Variants in SLC39A12 observed in about 807,000 individuals in gnomAD.
SLC39A12 encodes solute carrier family 39 member 12.
A neutral mutation model predicts 71.1 loss-of-function variants in SLC39A12; 63 were observed. That is an observed-to-expected ratio of 0.89 (90% CI 0.72 to 1.09). The LOEUF (loss-of-function observed/expected upper bound fraction) is 1.09, where lower values mean the gene tolerates loss of function less well. SLC39A12 is among the 50% of genes least tolerant of loss of function. The probability of loss-of-function intolerance (pLI) is 0.00; values close to 1 mark genes in which losing one functional copy is unlikely to be tolerated. For synonymous variants in SLC39A12, 351 were observed against 301.3 expected (o/e 1.16, Z -1.71); for missense variants, 892 against 812.6 (o/e 1.10, Z -1.19).
intron 12 of SLC39A12, among the ~76,000 whole-genome samples, chr10:18,025,144 TC>T (rs1836640506): frequency 6.6e-6 from 1 of 152,206 alleles, no homozygotes; most frequent in African/African-American, 2.4e-5. Context: ...TTACTTTTGT[TC>T]TCTGTTGCTC....
intron 3 of SLC39A12, among the ~76,000 whole-genome samples, chr10:17,964,543 G>C (rs962779649): frequency 2.0e-5 from 3 of 152,188 alleles, no homozygotes; most frequent in African/African-American, 7.2e-5. Context: ...TCAAATGTCT[G>C]AATGGGAATA....
Position 17,953,538 on chromosome 10 carries a change from G to A in SLC39A12, c.261+1G>A. The A allele has an allele frequency of 1.9e-6, 3 of 1,613,986 alleles. No individual in the cohort carries two copies. The highest frequency in any genetic ancestry group is 2.5e-6 in the Non-Finnish European group (3 of 1,179,922). Reference sequence around the variant, plus strand: ...CGGAATGCAAGGAGATTGCAATCTGGTTAGTGAAATAGAATGGGGTCAGGT... The same window carrying A: ...CGGAATGCAAGGAGATTGCAATCTGATTAGTGAAATAGAATGGGGTCAGGT... On this transcript the variant is annotated splice_donor_variant, in intron 2 of 12. Transcript: ENST00000377369. LOFTEE classifies it high-confidence loss of function.
chr10:18,034,409 C>T (rs1836937860), intron 12 of SLC39A12, among the ~76,000 whole-genome samples: 2 of 152,234 alleles, frequency 1.3e-5, no homozygotes, highest in East Asian at 3.9e-4. Context: ...TATGTAATGG[C>T]CTTGTCTCTT....
chr10:17,968,987 A>G (rs550894075), intron 4 of SLC39A12, among the ~76,000 whole-genome samples: 1 of 152,212 alleles, frequency 6.6e-6, no homozygotes, highest in African/African-American at 2.4e-5. Flanking sequence ...CTCTATGTCC[A>G]TGAGTTTGAT....
At chr10:18,012,725 G>A (rs1297091723) in intron 12 of SLC39A12, among the ~76,000 whole-genome samples, 3 of 152,026 alleles carry the variant, frequency 2.0e-5, no homozygotes, top group African/African-American at 7.2e-5. Context: ...AAATTAGCCC[G>A]GCGTGGTGGC....
intron 12 of SLC39A12, among the ~76,000 whole-genome samples, chr10:18,036,682 T>G (rs1837034099): frequency 6.7e-6 from 1 of 150,032 alleles, no homozygotes; most frequent in East Asian, 2.0e-4. Context: ...CCCCGTGATA[T>G]CTTTTACAAC....
At chr10:18,035,496 C>T (rs1182281003) in intron 12 of SLC39A12, among the ~76,000 whole-genome samples, 2 of 147,900 alleles carry the variant, frequency 1.4e-5, no homozygotes, top group Non-Finnish European at 3.0e-5. Flanking sequence ...TTTTCAGCTC[C>T]ATCAGCTCCT....
intron 4 of SLC39A12, among the ~76,000 whole-genome samples, chr10:17,968,519 T>C (rs1175258142): frequency 6.6e-6 from 1 of 152,210 alleles, no homozygotes; most frequent in Non-Finnish European, 1.5e-5. Context: ...TCATTTTGTA[T>C]TTCTTATAAG....
At chr10:17,979,045 A>G (rs926728631) in intron 5 of SLC39A12, among the ~76,000 whole-genome samples, 9 of 152,178 alleles carry the variant, frequency 5.9e-5, no homozygotes, top group Non-Finnish European at 1.3e-4. Context: ...ATTAGAAACC[A>G]CTGCTTTTGA....
At chr10:17,967,919 T>A (rs1312270186) in intron 4 of SLC39A12, among the ~76,000 whole-genome samples, 12 of 143,468 alleles carry the variant, frequency 8.4e-5, no homozygotes, top group South Asian at 2.2e-4. Context: ...ATATATATAT[T>A]TATTTATTTA....
chr10:18,036,008 C>T (rs1336678100), intron 12 of SLC39A12, among the ~76,000 whole-genome samples: 2 of 152,178 alleles, frequency 1.3e-5, no homozygotes, highest in African/African-American at 4.8e-5. Flanking sequence ...TGCCGGTTCT[C>T]AGATCTCCAG....
intron 4 of SLC39A12, among the ~76,000 whole-genome samples, chr10:17,967,093 A>T (rs1458764834): frequency 1.3e-5 from 2 of 152,180 alleles, no homozygotes; most frequent in Non-Finnish European, 2.9e-5. Context: ...AGTTTCTTTT[A>T]TACGTGTCAC....
Position 17,991,141 on chromosome 10 carries a change from T to TTTTTTC in SLC39A12, c.1270-10_1270-9insTTTTTC. ...TCTCTCTGCCTTTTTTTTTTTTTTTTCCCCTGAAGGTTCTTGGTTTACATA... is the reference window on the plus strand; with the variant it reads ...TCTCTCTGCCTTTTTTTTTTTTTTTTTTTTTCCCCCTGAAGGTTCTTGGTTTACATA... On this transcript the variant is annotated splice_polypyrimidine_tract_variant and intron_variant, in intron 7 of 12. Coordinates refer to ENST00000377369, the MANE Select transcript of SLC39A12 (RefSeq NM_001145195.2). The TTTTTTC allele has an allele frequency of 6.6e-7, 1 of 1,522,518 alleles. No homozygotes were observed. The highest frequency in any genetic ancestry group is 8.7e-7 in the Non-Finnish European group (1 of 1,145,970). 94.3% of individuals were successfully genotyped at this position (1,522,518 alleles called of 1,614,324 possible).
At chr10:18,010,499 A>G (rs1312330092) in intron 12 of SLC39A12, 2 of 152,240 alleles carry the variant, frequency 1.3e-5, no homozygotes, top group Non-Finnish European at 2.9e-5. Flanking sequence ...TTATTTCTTA[A>G]CAAAAGCAAG....
chr10:18,036,837 G>A (rs530979281), intron 12 of SLC39A12, among the ~76,000 whole-genome samples: 234 of 134,682 alleles, frequency 1.7e-3, no homozygotes, highest in African/African-American at 6.3e-3. Flanking sequence ...CCTAGCCTGC[G>A]GTGCAGTGGC....
intron 12 of SLC39A12, among the ~76,000 whole-genome samples, chr10:18,042,202 T>C (rs934305550): frequency 1.3e-5 from 2 of 152,072 alleles, no homozygotes; most frequent in East Asian, 3.9e-4. Flanking sequence ...AAAGGCCAGG[T>C]GCAGTGGCTC....
At chr10:18,036,763 TATATATATA>T (rs1837041291) in intron 12 of SLC39A12, among the ~76,000 whole-genome samples, 1 of 8,704 alleles carries the variant, frequency 1.1e-4, no homozygotes. Flanking sequence ...TATATATATA[TATATATATA>T]TATATATATA....
In SLC39A12 at chr10:17,983,168, C is replaced by CAAAAA. The variant is rs59513976; in HGVS notation, c.1096+1710_1096+1714dup. On this transcript the variant is annotated intron_variant, in intron 6 of 12. Coordinates refer to ENST00000377369, the MANE Select transcript of SLC39A12 (RefSeq NM_001145195.2). Reference sequence around the variant, plus strand: ...TGGGCGACAAAGCGAGACTCCATCTCAAAAAAAAAAAAAAAAAAAAAAAAA... The same window carrying CAAAAA: ...TGGGCGACAAAGCGAGACTCCATCTCAAAAAAAAAAAAAAAAAAAAAAAAAAAAAA... Among the ~76,000 whole-genome samples, 24 of 60,592 alleles carry CAAAAA rather than the reference C, an allele frequency of 4.0e-4. 1 individual carries two copies. The highest frequency in any genetic ancestry group is 1.4e-3 in the African/African-American group (23 of 16,598). The allele number at this position is 60,592 out of a possible 152,430, so 39.8% of individuals were successfully genotyped here.
chr10:17,999,141 CA>C (rs1187241428), intron 10 of SLC39A12, among the ~76,000 whole-genome samples: 2 of 151,314 alleles, frequency 1.3e-5, no homozygotes, highest in African/African-American at 4.9e-5. Context: ...ACTAAAAATA[CA>C]AAAAAACTAG....
Sources: gnomAD v4.1 joint callset for allele counts (sites outside exome capture counted in the v4.1 genomes callset) on GRCh38, gnomAD v4.1.1 for gene constraint, MANE v1.5 for transcripts, NCBI Gene and HGNC (gene_info 2026-07-23, HGNC 2026-07-21) for gene names.